Variants in ZC3H3 observed in about 807,000 individuals in gnomAD.
ZC3H3 encodes zinc finger CCCH-type containing 3, also known as zinc finger CCCH domain-containing protein 3.
ZC3H3 carries 36 observed loss-of-function variants against 77.3 expected under a neutral mutation model. The ratio of observed to expected loss-of-function variants is 0.47; its 90% CI spans 0.36 to 0.61. The LOEUF (loss-of-function observed/expected upper bound fraction) is 0.61, where lower values mean the gene tolerates loss of function less well. ZC3H3 is among the 20% of genes least tolerant of loss of function. The pLI is 0.00. For missense variants in ZC3H3, 1,331 were observed against 1,312.2 expected (o/e 1.01, Z -0.22); for synonymous variants, 626 against 555.2 (o/e 1.13, Z -1.79).
intron 5 of ZC3H3, among the ~76,000 whole-genome samples, chr8:143,470,835 G>A (rs188673675): frequency 2.6e-5 from 4 of 152,224 alleles, no homozygotes; most frequent in African/African-American, 9.6e-5. Flanking sequence ...AGAAGCAAGG[G>A]CTGCCTGAGA....
At chr8:143,516,177 G>A (rs1239618551) in intron 3 of ZC3H3, among the ~76,000 whole-genome samples, 2 of 152,228 alleles carry the variant, frequency 1.3e-5, no homozygotes, top group South Asian at 2.1e-4. Flanking sequence ...TGCCAGGACC[G>A]CACTCTAACA....
At chr8:143,526,069 G>A (rs189717787) in intron 3 of ZC3H3, among the ~76,000 whole-genome samples, 1 of 152,380 alleles carries the variant, frequency 6.6e-6, no homozygotes, top group Non-Finnish European at 1.5e-5. Flanking sequence ...AGTCCACCCA[G>A]GGCTACACCA....
chr8:143,501,495 C>T (rs1274446239), intron 4 of ZC3H3, among the ~76,000 whole-genome samples: 1 of 152,156 alleles, frequency 6.6e-6, no homozygotes, highest in African/African-American at 2.4e-5. Flanking sequence ...TGAGCCACCA[C>T]GCCTGGCCAC....
chr8:143,503,645 CT>C (rs1821598915), intron 4 of ZC3H3, among the ~76,000 whole-genome samples: 1 of 67,044 alleles, frequency 1.5e-5, no homozygotes, highest in African/African-American at 5.4e-5. Context: ...CAGCACCCAA[CT>C]GTCTCCACCA....
At chr8:143,482,797 T>C (rs1820942123) in intron 4 of ZC3H3, among the ~76,000 whole-genome samples, 1 of 151,976 alleles carries the variant, frequency 6.6e-6, no homozygotes. Context: ...TATGCAGACG[T>C]GGAAAGACCC....
At chr8:143,443,753 C>T (rs978220344) in intron 9 of ZC3H3, among the ~76,000 whole-genome samples, 2 of 152,214 alleles carry the variant, frequency 1.3e-5, no homozygotes, top group Non-Finnish European at 2.9e-5. Context: ...GTTGGGAACG[C>T]TAAGCGTGTA....
chr8:143,477,521 G>A (rs1206244332), intron 4 of ZC3H3, among the ~76,000 whole-genome samples: 2 of 152,156 alleles, frequency 1.3e-5, no homozygotes, highest in East Asian at 1.9e-4. Context: ...GTGCAGCCCC[G>A]GCCTCCAGGT....
At chr8:143,478,890 A>C (rs1820825560) in intron 4 of ZC3H3, among the ~76,000 whole-genome samples, 1 of 152,174 alleles carries the variant, frequency 6.6e-6, no homozygotes, top group Non-Finnish European at 1.5e-5. Flanking sequence ...ACCTTACTGG[A>C]GTGTGAGAAC....
intron 3 of ZC3H3, 52 bp downstream of exon 3, chr8:143,536,205 T>A (rs1563887576): frequency 6.4e-7 from 1 of 1,560,034 alleles, no homozygotes; most frequent in Admixed American, 1.9e-5. Context: ...CGCCAGCATA[T>A]CCCATCAGGC....
chr8:143,523,549 C>T (rs1421526511), intron 3 of ZC3H3: 5 of 985,402 alleles, frequency 5.1e-6, no homozygotes, highest in Non-Finnish European at 4.8e-6. Context: ...CAGGCACCAG[C>T]TTGGTGAGCT....
rs976958537 is a variant in ZC3H3 at position 143,533,084 on chromosome 8, G to A, written c.1561+3173C>T. On this transcript the variant is annotated intron_variant, in intron 3 of 11. Transcript: ENST00000262577. This position sits in a 1 kb window ranked among gnomAD's most constrained non-coding sequence, Gnocchi z 4.0. ...CCAGACACCCCGGGGCCCTGGACAC[G>A]CCCCTCCCAGGGTCCTCCCCTGTCC... Among the ~76,000 whole-genome samples, 2 of 152,032 alleles carry A rather than the reference G, an allele frequency of 1.3e-5. No homozygotes were observed. Among genetic ancestry groups the A allele is most frequent in the Admixed American group, 6.6e-5 (1 of 15,264 alleles).
In ZC3H3 at chr8:143,440,065, T is replaced by C; in HGVS notation, c.2791A>G (p.Arg931Gly). ...CCTGAGTCCTTGGTGAGGGGGGCCCTAGGGGCCCGGACCCTGGGCTGGGCT... is the reference window on the plus strand; with the variant it reads ...CCTGAGTCCTTGGTGAGGGGGGCCCCAGGGGCCCGGACCCTGGGCTGGGCT... ...PGAQPRVRAP[R>G]APLTKDSGKP... is the part of the protein sequence containing the mutation. Residue 931 changes from arginine (R) to glycine (G), a missense_variant, in exon 11 of 12, where the codon AGG becomes GGG. Around this residue, in one of 3 missense-constraint regions of ZC3H3, gnomAD observed 249 missense variants for 236.9 expected, o/e 1.05. Transcript: ENST00000262577. The C allele has an allele frequency of 2.5e-6, 4 of 1,568,916 alleles. No individual in the cohort carries two copies. Among genetic ancestry groups the C allele is most frequent in the Non-Finnish European group, 3.5e-6 (4 of 1,158,110 alleles).
In ZC3H3 at chr8:143,484,670, G is replaced by A. The variant is rs555021290; in HGVS notation, c.1716-9085C>T. 9.0e-5 allele frequency: 17 copies of A among 188,670 alleles called. No individual in the cohort carries two copies. In the South Asian group the frequency reaches 9.8e-4, roughly 11 times the overall value. The allele number at this position is 188,670 out of a possible 1,614,324, so 11.7% of individuals were successfully genotyped here. A position where few individuals can be genotyped will look rare whatever the true frequency, so the allele number is the denominator to read the frequency against. On this transcript the variant is annotated intron_variant, in intron 4 of 11. Transcript: ENST00000262577. ...GTGCAGCTGTCCTTGGCGGGCCCGC[G>A]ACCCTCTGCACCTGTGCCACCCTTT...
At position 143,541,402 on chromosome 8, in the gene ZC3H3, A is replaced by G. The variant is rs1400089510; in HGVS notation, c.20T>C (p.Leu7Ser). 6.2e-7 allele frequency: 1 copy of G among 1,611,788 alleles called. No homozygotes were observed. Among genetic ancestry groups the G allele is most frequent in the Non-Finnish European group, 8.5e-7 (1 of 1,179,440 alleles). The change falls in exon 1 of 12, where the codon TTA becomes TCA. Residue 7 changes from leucine (L) to serine (S), a missense_variant. This residue lies in a region of ZC3H3 where 978 missense variants were observed against 915.5 expected (regional missense o/e 1.07). Coordinates refer to ENST00000262577, the MANE Select transcript of ZC3H3 (RefSeq NM_015117.3). MEEKEI[L>S]RRQIRLLQGL... ...CTGCAGTAGGCGGATCTGCCGCCGT[A>G]ATATCTCCTTTTCCTCCATCTCCCG...
Position 143,538,679 on chromosome 8 carries a change from A to G in ZC3H3, c.688T>C (p.Phe230Leu), listed in dbSNP as rs2130525004. 6.2e-7 allele frequency: 1 copy of G among 1,608,306 alleles called. No homozygotes were observed. ...CGTGGGGGCAGAGCGGAGGATGGGA[A>G]GCTCGCCTTGACGGCAATCACACTC... ...SESVIAVKAS[F>L]PSSALPPRTG... is the part of the protein sequence containing the mutation. Residue 230 changes from phenylalanine (F) to leucine (L), a missense_variant, in exon 2 of 12, where the codon TTC becomes CTC. Around this residue, in one of 3 missense-constraint regions of ZC3H3, gnomAD observed 978 missense variants for 915.5 expected, o/e 1.07. Transcript: ENST00000262577.
chr8:143,445,596 G>A (rs974780276), intron 9 of ZC3H3, among the ~76,000 whole-genome samples: 3 of 151,784 alleles, frequency 2.0e-5, no homozygotes, highest in Admixed American at 6.6e-5. Context: ...GAGAGGCTGA[G>A]GCAGGAGGAT....
chr8:143,522,652 C>T (rs1390125518), intron 3 of ZC3H3, among the ~76,000 whole-genome samples: 1 of 152,054 alleles, frequency 6.6e-6, no homozygotes, highest in Non-Finnish European at 1.5e-5. Context: ...GGTGCAGTGG[C>T]TCACGCCTGG....
intron 9 of ZC3H3, among the ~76,000 whole-genome samples, chr8:143,453,222 C>T (rs1300086022): frequency 2.6e-5 from 4 of 152,080 alleles, no homozygotes; most frequent in East Asian, 1.9e-4. Flanking sequence ...GGACCACAGG[C>T]GCATGCCACC....
intron 3 of ZC3H3, among the ~76,000 whole-genome samples, chr8:143,534,389 T>G (rs1320255554): frequency 6.6e-6 from 1 of 151,296 alleles, no homozygotes; most frequent in Non-Finnish European, 1.5e-5. Context: ...GTGAAGCTGG[T>G]GGCCTCCCAA....
Sources: gnomAD v4.1 joint callset for allele counts (sites outside exome capture counted in the v4.1 genomes callset) on GRCh38, gnomAD v4.1.1 for gene constraint, gnomAD v4.1.1 regional missense constraint, Gnocchi (gnomAD v3.1) non-coding constraint, MANE v1.5 for transcripts, NCBI Gene and HGNC (gene_info 2026-07-23, HGNC 2026-07-21) for gene names.